GATAD2A: variants seen among roughly 807,000 people sequenced by gnomAD.
GATAD2A encodes the protein GATA zinc finger domain containing 2A.
Under a neutral mutation model 68.5 loss-of-function variants are expected in GATAD2A, and 12 were observed. The observed-to-expected ratio is 0.18, with a 90% confidence interval of 0.11 to 0.28. The LOEUF (loss-of-function observed/expected upper bound fraction) is 0.28, where lower values mean the gene tolerates loss of function less well. Ranked by LOEUF, GATAD2A falls within the 10% of genes least tolerant of loss-of-function variation. The pLI is 1.00. For synonymous variants in GATAD2A, 410 were observed against 375.3 expected (o/e 1.09, Z -1.07); for missense variants, 755 against 868.5 (o/e 0.87, Z 1.64).
chr19:19,425,036 A>AAG (rs2052901046), intron 1 of GATAD2A, among the ~76,000 whole-genome samples: 1 of 151,866 alleles, frequency 6.6e-6, no homozygotes, highest in Non-Finnish European at 1.5e-5. Flanking sequence ...GCTTGAGGCC[A>AAG]AGAGTTCAAG....
chr19:19,415,214 A>G (rs1160946111), intron 1 of GATAD2A, among the ~76,000 whole-genome samples: 2 of 150,098 alleles, frequency 1.3e-5, no homozygotes, highest in African/African-American at 4.9e-5. Context: ...GTGCAATGGC[A>G]TGATCTCAGC....
At chr19:19,411,429 C>T (rs1403821558) in intron 1 of GATAD2A, among the ~76,000 whole-genome samples, 3 of 152,096 alleles carry the variant, frequency 2.0e-5, no homozygotes, top group Admixed American at 6.6e-5. Context: ...TGGGAGCCTT[C>T]CTTAGAGAAC....
chr19:19,498,505 T>C lies in GATAD2A; in HGVS notation c.987T>C (p.Thr329=). The C allele has an allele frequency of 3.1e-6, 5 of 1,613,500 alleles. No homozygotes were observed. Among genetic ancestry groups the C allele is most frequent in the Non-Finnish European group, 4.2e-6 (5 of 1,179,638 alleles). Residue 329 remains threonine, a synonymous_variant, in exon 8 of 12, where the codon ACT becomes ACC. Coordinates refer to ENST00000683918, the MANE Select transcript of GATAD2A (RefSeq NM_001384528.1). ...CCGCTCAGGCCAACTCCACCCCCAC[T>C]AGTGTGGCCTCTGTGGTCACCTCTG... ...ATSAQANSTP[T]SVASVVTSAE...
Position 19,506,752 on chromosome 19 carries a change from C to T in GATAD2A, c.*1278C>T, listed in dbSNP as rs1004998903. On this transcript the variant is annotated 3_prime_UTR_variant, in exon 12 of 12. Coordinates refer to ENST00000683918, the MANE Select transcript of GATAD2A (RefSeq NM_001384528.1). Reference sequence around the variant, plus strand: ...TCCGTGAGGAAAGGCAGAAGCCGTTCCGTGTCTCTTGCAGGCTGGGCCGGC... The same window carrying T: ...TCCGTGAGGAAAGGCAGAAGCCGTTTCGTGTCTCTTGCAGGCTGGGCCGGC... 3 of 152,212 alleles carry T rather than the reference C, an allele frequency of 2.0e-5. No individual in the cohort carries two copies. Among genetic ancestry groups the T allele is most frequent in the Admixed American group, 1.3e-4 (2 of 15,284 alleles). 9.4% of individuals were successfully genotyped at this position (152,212 alleles called of 1,614,324 possible).
chr19:19,434,462 A>G (rs1007551796), intron 1 of GATAD2A, among the ~76,000 whole-genome samples: 1 of 152,092 alleles, frequency 6.6e-6, no homozygotes, highest in Non-Finnish European at 1.5e-5. Flanking sequence ...GTTGTCCCCT[A>G]TCCTTATTTT....
chr19:19,426,583 T>C (rs1258686728), intron 1 of GATAD2A, among the ~76,000 whole-genome samples: 4 of 151,922 alleles, frequency 2.6e-5, no homozygotes, highest in Non-Finnish European at 1.5e-5. Context: ...CGATCTTGGC[T>C]CACTGCAGCC....
At chr19:19,387,420 A>G (rs2048520390) in intron 1 of GATAD2A, among the ~76,000 whole-genome samples, 1 of 151,672 alleles carries the variant, frequency 6.6e-6, no homozygotes, top group Non-Finnish European at 1.5e-5. Flanking sequence ...CCTGGGTTCA[A>G]GCGACTCTTC....
chr19:19,387,060 G>C (rs551825765), intron 1 of GATAD2A, among the ~76,000 whole-genome samples: 5 of 152,078 alleles, frequency 3.3e-5, no homozygotes, highest in African/African-American at 1.2e-4. Flanking sequence ...CCTCTCTGAG[G>C]GTCCCCCGCT....
chr19:19,488,711 G>A (rs1387599236), intron 2 of GATAD2A, among the ~76,000 whole-genome samples: 3 of 152,216 alleles, frequency 2.0e-5, no homozygotes, highest in South Asian at 2.1e-4. Context: ...GGGGTGGTGC[G>A]TGTCAGCGAG....
chr19:19,487,869 C>T (rs1282523236), intron 2 of GATAD2A, among the ~76,000 whole-genome samples: 1 of 152,180 alleles, frequency 6.6e-6, no homozygotes, highest in African/African-American at 2.4e-5. Flanking sequence ...GCCCTCATCC[C>T]ACCCTTGCAC....
intron 1 of GATAD2A, among the ~76,000 whole-genome samples, chr19:19,429,017 GTTTTTTTT>G (rs35115269): frequency 7.7e-6 from 1 of 130,116 alleles, no homozygotes; most frequent in African/African-American, 2.9e-5. Flanking sequence ...GCATTTGTAT[GTTTTTTTT>G]TTTTTTTTTG....
chr19:19,485,142 A>G (rs959526103), intron 2 of GATAD2A, among the ~76,000 whole-genome samples: 2 of 152,070 alleles, frequency 1.3e-5, no homozygotes, highest in Non-Finnish European at 2.9e-5. Flanking sequence ...CTCAGTGGGT[A>G]GTTACTTGGG....
rs1324310477 is a variant in GATAD2A at position 19,465,050 on chromosome 19, C to A, written c.-6-290C>A. 2.8e-5 allele frequency: 14 copies of A among 503,108 alleles called. No individual in the cohort carries two copies. In the South Asian group the frequency reaches 2.8e-4, roughly 10 times the overall value. The allele number at this position is 503,108 out of a possible 1,614,324, so 31.2% of individuals were successfully genotyped here. On this transcript the variant is annotated intron_variant, in intron 1 of 11. Coordinates refer to ENST00000683918, the MANE Select transcript of GATAD2A (RefSeq NM_001384528.1). ...GATAAGCAGCCACCTTCCACTGCTC[C>A]TGTTCAGCACCCTGCTGCCTCTGGC...
chr19:19,455,190 T>TA (rs1432205286), intron 1 of GATAD2A, among the ~76,000 whole-genome samples: 1 of 151,280 alleles, frequency 6.6e-6, no homozygotes, highest in Non-Finnish European at 1.5e-5. Flanking sequence ...CCCCATCTCT[T>TA]AAAAAAATTT....
chr19:19,451,775 G>A (rs938481037), intron 1 of GATAD2A, among the ~76,000 whole-genome samples: 9 of 152,236 alleles, frequency 5.9e-5, no homozygotes, highest in African/African-American at 2.2e-4. Flanking sequence ...TAGATCAGTA[G>A]CTGTGTGGAC....
chr19:19,454,238 T>C lies in GATAD2A; in HGVS notation c.-6-11102T>C, dbSNP rs1490840742. Among the ~76,000 whole-genome samples the C allele has an allele frequency of 9.5e-5, 14 of 146,934 alleles. No individual in the cohort carries two copies. The South Asian group carries it at 1.5e-3, about 16-fold the overall frequency. ...CTTGAACTCCCGACCTCAGGTGATCTGCCCACCTTGGCCTCCCGAAGTGCT... is the reference window on the plus strand; with the variant it reads ...CTTGAACTCCCGACCTCAGGTGATCCGCCCACCTTGGCCTCCCGAAGTGCT... On this transcript the variant is annotated intron_variant, in intron 1 of 11. Transcript: ENST00000683918.
At chr19:19,432,910 A>G (rs1024578850) in intron 1 of GATAD2A, among the ~76,000 whole-genome samples, 1 of 152,216 alleles carries the variant, frequency 6.6e-6, no homozygotes, top group Non-Finnish European at 1.5e-5. Context: ...GGAGACCTCC[A>G]TCCCAGTAGA....
At chr19:19,472,766 A>G (rs2058408964) in intron 2 of GATAD2A, 1 of 152,054 alleles carries the variant, frequency 6.6e-6, no homozygotes, top group African/African-American at 2.4e-5. Context: ...GGGTGAGGGA[A>G]TGAGAACTCT....
intron 1 of GATAD2A, among the ~76,000 whole-genome samples, chr19:19,394,710 C>G (rs901525256): frequency 6.6e-6 from 1 of 152,092 alleles, no homozygotes; most frequent in African/African-American, 2.4e-5. Context: ...TCCCAAAGTG[C>G]TGGGATTACA....
Sources: gnomAD v4.1 joint callset for allele counts (sites outside exome capture counted in the v4.1 genomes callset) on GRCh38, gnomAD v4.1.1 for gene constraint, MANE v1.5 for transcripts, NCBI Gene and HGNC (gene_info 2026-07-23, HGNC 2026-07-21) for gene names.